Variants in ACTR1A observed in about 807,000 individuals in gnomAD.
The protein encoded by ACTR1A is alpha-centractin.
ACTR1A carries 10 observed loss-of-function variants against 50.7 expected under a neutral mutation model. The observed-to-expected ratio is 0.20, with a 90% confidence interval of 0.12 to 0.33. The LOEUF (loss-of-function observed/expected upper bound fraction) is 0.33. Among genes scored for constraint, ACTR1A ranks in the 10% least tolerant of loss-of-function variants. ACTR1A has a pLI of 1.00. For synonymous variants in ACTR1A, 177 were observed against 184.2 expected (o/e 0.96, Z 0.32); for missense variants, 253 against 491.7 (o/e 0.51, Z 4.59).
At chr10:102,498,555 T>G (rs2135590182) in intron 1 of ACTR1A, among the ~76,000 whole-genome samples, 1 of 152,270 alleles carries the variant, frequency 6.6e-6, no homozygotes, top group East Asian at 1.9e-4. Context: ...ACGATCTCAC[T>G]GCAGCCTCAA....
intron 1 of ACTR1A, among the ~76,000 whole-genome samples, chr10:102,501,617 G>A (rs2062252070): frequency 6.6e-6 from 1 of 152,242 alleles, no homozygotes; most frequent in Admixed American, 6.5e-5. Context: ...GCATGGTGGT[G>A]CTGGCAAAAG....
Position 102,479,424 on chromosome 10 carries a change from G to A in ACTR1A, c.*1439C>T, listed in dbSNP as rs2062127090. 11 of 384,532 alleles carry A rather than the reference G, an allele frequency of 2.9e-5. No individual in the cohort carries two copies. Among genetic ancestry groups the A allele is most frequent in the South Asian group, 2.0e-4 (10 of 49,492 alleles). 23.8% of individuals were successfully genotyped at this position (384,532 alleles called of 1,614,324 possible). A position where few individuals can be genotyped will look rare whatever the true frequency, so the allele number is the denominator to read the frequency against. On this transcript the variant is annotated 3_prime_UTR_variant, in exon 11 of 11. Transcript: ENST00000369905. The surrounding 1 kb of genome is among the most constrained non-coding windows in gnomAD (Gnocchi z 4.0). Reference sequence around the variant, plus strand: ...TGGCCCACACCTGGCAGGGGCCTTTGGTCATAGGACGGCGTGGGGGAGAAT... The same window carrying A: ...TGGCCCACACCTGGCAGGGGCCTTTAGTCATAGGACGGCGTGGGGGAGAAT...
Position 102,482,962 on chromosome 10 carries a change from G to A in ACTR1A, c.750+49C>T, listed in dbSNP as rs2062151015. 2 of 1,475,266 alleles carry A rather than the reference G, an allele frequency of 1.4e-6. No homozygotes were observed. The highest frequency in any genetic ancestry group is 3.3e-5 in the Admixed American group (2 of 59,786). The allele number at this position is 1,475,266 out of a possible 1,614,324, so 91.4% of individuals were successfully genotyped here. A position where few individuals can be genotyped will look rare whatever the true frequency, so the allele number is the denominator to read the frequency against. Reference sequence around the variant, plus strand: ...TGATGGAGAATTCTGGTTGGGCCCAGAGCTTTTGTGGACCTAAGGGGACCG... The same window carrying A: ...TGATGGAGAATTCTGGTTGGGCCCAAAGCTTTTGTGGACCTAAGGGGACCG... On this transcript the variant is annotated intron_variant, in intron 7 of 10. Coordinates refer to ENST00000369905, the MANE Select transcript of ACTR1A (RefSeq NM_005736.4). This position sits in a 1 kb window ranked among gnomAD's most constrained non-coding sequence, Gnocchi z 5.6.
chr10:102,479,849 C>A lies in ACTR1A; in HGVS notation c.*1014G>T. ...TTCAGAAAATCTAACCAGCAACCAG[C>A]CTGTTGATTCCAGGGCAGTGAGCAA... On this transcript the variant is annotated 3_prime_UTR_variant, in exon 11 of 11. Coordinates refer to ENST00000369905, the MANE Select transcript of ACTR1A (RefSeq NM_005736.4). This position sits in a 1 kb window ranked among gnomAD's most constrained non-coding sequence, Gnocchi z 4.0. 2.7e-6 allele frequency: 1 copy of A among 369,100 alleles called. No homozygotes were observed. Among genetic ancestry groups the A allele is most frequent in the South Asian group, 2.2e-5 (1 of 45,692 alleles). 22.9% of individuals were successfully genotyped at this position (369,100 alleles called of 1,614,324 possible). A position where few individuals can be genotyped will look rare whatever the true frequency, so the allele number is the denominator to read the frequency against.
chr10:102,498,082 C>A (rs1262787532), intron 1 of ACTR1A, among the ~76,000 whole-genome samples: 2 of 139,920 alleles, frequency 1.4e-5, no homozygotes, highest in African/African-American at 5.5e-5. Flanking sequence ...CAGAGTGAGA[C>A]CTTGTCTCAA....
rs539085682 is a variant in ACTR1A, at chr10:102,484,013, G to A, written c.657+147C>T. The A allele has an allele frequency of 1.1e-4, 72 of 675,554 alleles. No homozygotes were observed. The African/African-American group carries it at 1.2e-3, about 11-fold the overall frequency. 41.8% of individuals were successfully genotyped at this position (675,554 alleles called of 1,614,324 possible). A position where few individuals can be genotyped will look rare whatever the true frequency, so the allele number is the denominator to read the frequency against. On this transcript the variant is annotated intron_variant, in intron 6 of 10. Transcript: ENST00000369905. Reference sequence around the variant, plus strand: ...AGGAAGGCGAATCTGTCAGTGTGACGTAGGGGAGACCTGGCTGGGAAGAAC... The same window carrying A: ...AGGAAGGCGAATCTGTCAGTGTGACATAGGGGAGACCTGGCTGGGAAGAAC...
intron 1 of ACTR1A, among the ~76,000 whole-genome samples, chr10:102,498,374 C>A (rs2062232483): frequency 6.6e-6 from 1 of 150,624 alleles, no homozygotes. Flanking sequence ...CAAAGCAAAA[C>A]AAACAAATGC....
chr10:102,491,894 T>C (rs566459354), intron 1 of ACTR1A, among the ~76,000 whole-genome samples: 9 of 151,266 alleles, frequency 5.9e-5, no homozygotes, highest in African/African-American at 1.5e-4. Context: ...GCCTCCTGAG[T>C]AGCTGGGACT....
At chr10:102,499,540 C>T (rs748606606) in intron 1 of ACTR1A, among the ~76,000 whole-genome samples, 1 of 152,024 alleles carries the variant, frequency 6.6e-6, no homozygotes, top group Non-Finnish European at 1.5e-5. Flanking sequence ...TCGAAACATA[C>T]TACCAGGAAA....
chr10:102,489,058 A>G lies in ACTR1A; in HGVS notation c.189+5T>C, dbSNP rs2062181014. On this transcript the variant is annotated splice_donor_5th_base_variant and intron_variant, in intron 3 of 10. Transcript: ENST00000369905. ...TAAGGCTTGTTCTGTAGGCCTGGGA[A>G]TTACCTCAGCTTTGGGGCCAATGAA... is the stretch of plus-strand genomic sequence containing the variant. 6.4e-7 allele frequency: 1 copy of G among 1,559,862 alleles called. No individual in the cohort carries two copies. The highest frequency in any genetic ancestry group is 8.7e-7 in the Non-Finnish European group (1 of 1,152,006).
chr10:102,499,580 G>T (rs1564652089), intron 1 of ACTR1A, among the ~76,000 whole-genome samples: 1 of 152,210 alleles, frequency 6.6e-6, no homozygotes, highest in Non-Finnish European at 1.5e-5. Flanking sequence ...ACGCATTAGT[G>T]TAAGTGATAT....
chr10:102,497,834 T>C (rs999536268), intron 1 of ACTR1A, among the ~76,000 whole-genome samples: 1 of 151,374 alleles, frequency 6.6e-6, no homozygotes, highest in Admixed American at 6.6e-5. Flanking sequence ...GGCTCATGCC[T>C]GTAATACCAG....
intron 9 of ACTR1A, 64 bp downstream of exon 9, chr10:102,481,773 G>C: frequency 6.3e-7 from 1 of 1,581,330 alleles, no homozygotes. Flanking sequence ...GGGAAGCTAC[G>C]CCAGGTGGCA....
chr10:102,489,202 T>C, intron 2 of ACTR1A, 64 bp from the exon 3 acceptor site: 1 of 1,183,274 alleles, frequency 8.5e-7, no homozygotes, highest in Non-Finnish European at 1.2e-6. Flanking sequence ...GAAGGATGTA[T>C]AGATGTACAT....
intron 1 of ACTR1A, among the ~76,000 whole-genome samples, chr10:102,497,392 C>T (rs2062227478): frequency 6.6e-6 from 1 of 152,000 alleles, no homozygotes; most frequent in African/African-American, 2.4e-5. Flanking sequence ...ACAGCACACT[C>T]CCCTGCCAAA....
In ACTR1A at chr10:102,480,156, C is replaced by G. The variant is rs1374160476; in HGVS notation, c.*707G>C. 1 of 159,300 alleles carries G rather than the reference C, an allele frequency of 6.3e-6. No individual in the cohort carries two copies. Among genetic ancestry groups the G allele is most frequent in the Non-Finnish European group, 1.4e-5 (1 of 71,944 alleles). The allele number at this position is 159,300 out of a possible 1,614,324, so 9.9% of individuals were successfully genotyped here. On this transcript the variant is annotated 3_prime_UTR_variant, in exon 11 of 11. Transcript: ENST00000369905. ...AGCGAGGTCCTGGAACCAGCAGGTG[C>G]CTTAAACTCTCCCAAGGCCCCCGAA...
chr10:102,486,343 C>T (rs1423464340), intron 4 of ACTR1A, among the ~76,000 whole-genome samples: 1 of 152,114 alleles, frequency 6.6e-6, no homozygotes, highest in Non-Finnish European at 1.5e-5. Context: ...AACTGTCTTC[C>T]AAGAAACTAG....
chr10:102,483,814 C>T (rs1589959677), intron 6 of ACTR1A: 1 of 285,790 alleles, frequency 3.5e-6, no homozygotes, highest in East Asian at 8.0e-5. Flanking sequence ...CATTGCACTG[C>T]AGCCTGGGCG....
chr10:102,491,065 CAA>C (rs2062189608), intron 1 of ACTR1A, among the ~76,000 whole-genome samples: 1 of 151,848 alleles, frequency 6.6e-6, no homozygotes, highest in African/African-American at 2.4e-5. Flanking sequence ...AAATGCACAC[CAA>C]AAGAAGGGAA....
Sources: gnomAD v4.1 joint callset for allele counts (sites outside exome capture counted in the v4.1 genomes callset) on GRCh38, gnomAD v4.1.1 for gene constraint, Gnocchi (gnomAD v3.1) non-coding constraint, MANE v1.5 for transcripts, NCBI Gene and HGNC (gene_info 2026-07-23, HGNC 2026-07-21) for gene names.